PXK: variants seen among roughly 807,000 people sequenced by gnomAD.
PXK encodes PX domain-containing protein kinase-like protein.
A neutral mutation model predicts 84.7 loss-of-function variants in PXK; 35 were observed. That is an observed-to-expected ratio of 0.41 (90% CI 0.32 to 0.55). PXK has a LOEUF of 0.55. Among genes scored for constraint, PXK ranks in the 20% least tolerant of loss-of-function variants. The pLI, the probability that PXK is intolerant of heterozygous loss-of-function variation, is 0.21. For missense variants in PXK, 634 were observed against 699.7 expected, an observed-to-expected ratio of 0.91 and a Z score of 1.06; for synonymous variants, 253 against 260.8, an observed-to-expected ratio of 0.97 and a Z score of 0.29.
At chr3:58,403,512 T>A (rs2058923615) in intron 12 of PXK, among the ~76,000 whole-genome samples, 1 of 152,240 alleles carries the variant, frequency 6.6e-6, no homozygotes. Context: ...CAGAAAACTA[T>A]TCTATTTAGA....
intron 6 of PXK, among the ~76,000 whole-genome samples, chr3:58,391,448 G>A (rs571520473): frequency 6.6e-6 from 1 of 151,732 alleles, no homozygotes; most frequent in South Asian, 2.1e-4. Flanking sequence ...AACAAGAACA[G>A]CTTAAAATAA....
rs2061951945 is a variant in PXK, at chr3:58,421,996, G to T, written c.1529-2756G>T. ...GGAAGGCCTCATTCACATCTGAGGGGTGGAGAGCGCGCAGGCAGCAGGCAG... is the reference window on the plus strand; with the variant it reads ...GGAAGGCCTCATTCACATCTGAGGGTTGGAGAGCGCGCAGGCAGCAGGCAG... On this transcript the variant is annotated intron_variant, in intron 17 of 17. Coordinates refer to ENST00000356151, the MANE Select transcript of PXK (RefSeq NM_017771.5). This position sits in a 1 kb window ranked among gnomAD's most constrained non-coding sequence, Gnocchi z 5.5. The T allele has an allele frequency of 3.0e-6, 3 of 985,410 alleles. No homozygotes were observed. The highest frequency in any genetic ancestry group is 3.6e-6 in the Non-Finnish European group (3 of 829,932). 61.0% of individuals were successfully genotyped at this position (985,410 alleles called of 1,614,324 possible).
intron 3 of PXK, among the ~76,000 whole-genome samples, chr3:58,374,833 A>G (rs2098424164): frequency 6.6e-6 from 1 of 152,180 alleles, no homozygotes; most frequent in South Asian, 2.1e-4. Flanking sequence ...TTTTTAAGAG[A>G]TGGGATTTTA....
At chr3:58,423,631 C>T in intron 17 of PXK, 1 of 1,425,652 alleles carries the variant, frequency 7.0e-7, no homozygotes, top group African/African-American at 1.4e-5. Context: ...TTACCTGTTA[C>T]TTATCACAAC....
chr3:58,333,545 G>A lies in PXK; in HGVS notation c.102+455G>A, dbSNP rs1482233026. ...GGTGATGGGGATGAGGGTGTGCCGGGCCAAATGAAGTGTGACTCCAGAGCC... is the reference window on the plus strand; with the variant it reads ...GGTGATGGGGATGAGGGTGTGCCGGACCAAATGAAGTGTGACTCCAGAGCC... On this transcript the variant is annotated intron_variant, in intron 1 of 17. Transcript: ENST00000356151. This position sits in a 1 kb window ranked among gnomAD's most constrained non-coding sequence, Gnocchi z 5.4. 3.3e-5 allele frequency: 15 copies of A among 456,594 alleles called. No individual in the cohort carries two copies. Among genetic ancestry groups the A allele is most frequent in the African/African-American group, 1.4e-4 (7 of 50,068 alleles). 28.3% of individuals were successfully genotyped at this position (456,594 alleles called of 1,614,324 possible). A position where few individuals can be genotyped will look rare whatever the true frequency, so the allele number is the denominator to read the frequency against.
chr3:58,424,408 A>G (rs1429547890), intron 17 of PXK, among the ~76,000 whole-genome samples: 1 of 152,196 alleles, frequency 6.6e-6, no homozygotes, highest in Non-Finnish European at 1.5e-5. Context: ...GGCTAAAGTA[A>G]CTGATAGATG....
intron 17 of PXK, among the ~76,000 whole-genome samples, chr3:58,415,796 G>A (rs9869940): frequency 0.07 from 10,689 of 152,286 alleles, 479 homozygotes; most frequent in South Asian, 0.1. Context: ...ATGGCTTACA[G>A]GCAAGGATTT....
At chr3:58,365,043 C>T (rs2090238) in intron 1 of PXK, among the ~76,000 whole-genome samples, 34,521 of 150,946 alleles carry the variant, frequency 0.23, 5,862 homozygotes, top group East Asian at 0.81. Context: ...ATTTTTCCTT[C>T]TTCTGCTTGC....
At chr3:58,335,320 G>A (rs904195797) in intron 1 of PXK, among the ~76,000 whole-genome samples, 8 of 152,176 alleles carry the variant, frequency 5.3e-5, no homozygotes, top group Admixed American at 2.6e-4. Context: ...ATTGTCTTGC[G>A]TAATTTTTTG....
rs564982693 is a variant in PXK, at chr3:58,335,033, G to C, written c.102+1943G>C. Among the ~76,000 whole-genome samples, 4 of 135,974 alleles carry C rather than the reference G, an allele frequency of 2.9e-5. No homozygotes were observed. The South Asian group carries it at 8.5e-4, about 29-fold the overall frequency. 89.2% of individuals were successfully genotyped at this position (135,974 alleles called of 152,430 possible). On this transcript the variant is annotated intron_variant, in intron 1 of 17. Transcript: ENST00000356151. ...TGTCCAGGCTGGTGTGTGTGTGTGT[G>C]TGTGTGTGTGTGTGTGTGTGTGTGT...
At chr3:58,348,817 T>C (rs1575771645) in intron 1 of PXK, among the ~76,000 whole-genome samples, 1 of 151,144 alleles carries the variant, frequency 6.6e-6, no homozygotes. Flanking sequence ...GGAGGTTGAG[T>C]AGAAGAATCC....
intron 2 of PXK, among the ~76,000 whole-genome samples, chr3:58,366,282 T>A (rs2098270890): frequency 6.6e-6 from 1 of 152,238 alleles, no homozygotes; most frequent in African/African-American, 2.4e-5. Flanking sequence ...AAAGGTGAGA[T>A]TGAGTCTTGG....
Position 58,403,911 on chromosome 3 carries a change from G to T in PXK, c.1230+1G>T. ...CACTTCTGAAAAACCACAGTTTAAG[G>T]TAAAGACAATTATATCGTTTTTTGG... is the stretch of plus-strand genomic sequence containing the variant. On this transcript the variant is annotated splice_donor_variant, in intron 13 of 17. Transcript: ENST00000356151. LOFTEE classifies it high-confidence loss of function. 6.6e-7 allele frequency: 1 copy of T among 1,517,950 alleles called. No homozygotes were observed. The highest frequency in any genetic ancestry group is 8.9e-7 in the Non-Finnish European group (1 of 1,117,976). 94.0% of individuals were successfully genotyped at this position (1,517,950 alleles called of 1,614,324 possible). A position where few individuals can be genotyped will look rare whatever the true frequency, so the allele number is the denominator to read the frequency against.
At chr3:58,369,798 T>A (rs1316355405) in intron 3 of PXK, among the ~76,000 whole-genome samples, 1 of 135,382 alleles carries the variant, frequency 7.4e-6, no homozygotes, top group Non-Finnish European at 1.5e-5. Flanking sequence ...CACTCCAGCC[T>A]GGGCAATAAG....
At chr3:58,423,203 C>T (rs1336700017) in intron 17 of PXK, 11 of 984,218 alleles carry the variant, frequency 1.1e-5, no homozygotes, top group Non-Finnish European at 1.2e-5. Context: ...GCTTATTCTC[C>T]GTTTTCCCAC....
chr3:58,395,858 G>A, intron 9 of PXK, 99 bp downstream of exon 9: 2 of 951,404 alleles, frequency 2.1e-6, no homozygotes, highest in Admixed American at 2.5e-5. Flanking sequence ...TACTTAAGTT[G>A]TCTGATTACT....
At chr3:58,366,305 T>A (rs572046865) in intron 2 of PXK, among the ~76,000 whole-genome samples, 2 of 152,292 alleles carry the variant, frequency 1.3e-5, no homozygotes, top group Admixed American at 6.5e-5. Flanking sequence ...ATTGTACAGT[T>A]TGGGCCACTA....
chr3:58,377,173 T>G (rs1054983881), intron 3 of PXK, among the ~76,000 whole-genome samples: 1 of 152,246 alleles, frequency 6.6e-6, no homozygotes, highest in Non-Finnish European at 1.5e-5. Context: ...TGCTCTGACA[T>G]ATTTTCGTAA....
rs1435275248 is a variant in PXK at position 58,390,265 on chromosome 3, T to C, written c.389-317T>C. ...ACTTCTCACCCAGTTTCTCCTAATG[T>C]TAATATTTTATATAACCATGGCACA... is the stretch of plus-strand genomic sequence containing the variant. On this transcript the variant is annotated intron_variant, in intron 4 of 17. Coordinates refer to ENST00000356151, the MANE Select transcript of PXK (RefSeq NM_017771.5). The surrounding 1 kb of genome is among the most constrained non-coding windows in gnomAD (Gnocchi z 4.2). Among the ~76,000 whole-genome samples the C allele has an allele frequency of 1.3e-5, 2 of 152,116 alleles. No individual in the cohort carries two copies. The highest frequency in any genetic ancestry group is 2.9e-5 in the Non-Finnish European group (2 of 68,018).
Sources: allele counts gnomAD v4.1 joint callset (sites outside exome capture counted in the v4.1 genomes callset), GRCh38; gene constraint gnomAD v4.1.1; non-coding constraint Gnocchi (gnomAD v3.1); transcripts MANE v1.5; gene names NCBI Gene and HGNC (gene_info 2026-07-23, HGNC 2026-07-21).